Variants in SNTB1 observed in about 807,000 individuals in gnomAD.
SNTB1 encodes the protein beta-1-syntrophin.
A neutral mutation model predicts 48.9 loss-of-function variants in SNTB1; 36 were observed. The ratio of observed to expected loss-of-function variants is 0.74; its 90% CI spans 0.56 to 0.97. The LOEUF is 0.97. SNTB1 is among the 50% of genes least tolerant of loss of function. The pLI is 0.00. For synonymous variants in SNTB1, 299 were observed against 294.6 expected (o/e 1.01, Z -0.15); for missense variants, 786 against 703.4 (o/e 1.12, Z -1.33).
At chr8:120,586,131 C>T (rs1294025689) in intron 3 of SNTB1, among the ~76,000 whole-genome samples, 1 of 152,204 alleles carries the variant, frequency 6.6e-6, no homozygotes, top group Non-Finnish European at 1.5e-5. Context: ...GAGAAATCAC[C>T]TCCATTTCAC....
At chr8:120,674,767 A>G (rs1182632899) in intron 2 of SNTB1, among the ~76,000 whole-genome samples, 1 of 152,216 alleles carries the variant, frequency 6.6e-6, no homozygotes, top group African/African-American at 2.4e-5. Context: ...TGAAAATATG[A>G]CAGAAAGGGT....
At chr8:120,711,158 C>T (rs1191437374) in intron 1 of SNTB1, among the ~76,000 whole-genome samples, 1 of 152,132 alleles carries the variant, frequency 6.6e-6, no homozygotes, top group Non-Finnish European at 1.5e-5. Context: ...AAGCCTGGGA[C>T]AAGTAGCCTG....
chr8:120,683,173 A>G (rs747368397), intron 2 of SNTB1, among the ~76,000 whole-genome samples: 15 of 151,914 alleles, frequency 9.9e-5, no homozygotes, highest in African/African-American at 2.9e-4. Flanking sequence ...GAGCCACCGC[A>G]CCCGGCCTGT....
chr8:120,679,026 T>C (rs1211804547), intron 2 of SNTB1, among the ~76,000 whole-genome samples: 3 of 152,212 alleles, frequency 2.0e-5, no homozygotes, highest in Non-Finnish European at 4.4e-5. Flanking sequence ...CAGGTGGTAG[T>C]AACTTGCTCT....
chr8:120,700,261 TGA>T (rs147185357), intron 1 of SNTB1, among the ~76,000 whole-genome samples: 11,314 of 152,220 alleles, frequency 0.074, 417 homozygotes, highest in Admixed American at 0.1. Flanking sequence ...GCCTGTAACA[TGA>T]GAGAGTTTGA....
At chr8:120,634,157 AC>A (rs913890525) in intron 2 of SNTB1, among the ~76,000 whole-genome samples, 4 of 152,160 alleles carry the variant, frequency 2.6e-5, no homozygotes, top group Non-Finnish European at 4.4e-5. Flanking sequence ...AAGAAAAAAA[AC>A]CCAATATTCA....
rs182445232 is a variant in SNTB1, at chr8:120,776,805, A to T, written c.571+34468T>A. The T allele has an allele frequency of 5.9e-5, 9 of 152,312 alleles. No homozygotes were observed. In the East Asian group the frequency reaches 1.5e-3, roughly 26 times the overall value. 9.4% of individuals were successfully genotyped at this position (152,312 alleles called of 1,614,324 possible). A position where few individuals can be genotyped will look rare whatever the true frequency, so the allele number is the denominator to read the frequency against. ...GTACTTCCTAAATGAATAAGTGCAC[A>T]CATGGATGAATAAACAATCTACATG... On this transcript the variant is annotated intron_variant, in intron 1 of 6. Transcript: ENST00000517992.
At chr8:120,721,877 T>TCCCTCCCCCC (rs1563580227) in intron 1 of SNTB1, among the ~76,000 whole-genome samples, 1 of 142,186 alleles carries the variant, frequency 7.0e-6, no homozygotes, top group African/African-American at 2.7e-5. Context: ...CCCAATGCTA[T>TCCCTCCCCCC]CCCCTCCCCC....
intron 2 of SNTB1, among the ~76,000 whole-genome samples, chr8:120,684,348 C>T (rs1817990665): frequency 6.6e-6 from 1 of 152,160 alleles, no homozygotes; most frequent in African/African-American, 2.4e-5. Context: ...GTCTTTCTCA[C>T]ATGCAAAATA....
At chr8:120,684,715 C>A (rs946510504) in intron 2 of SNTB1, among the ~76,000 whole-genome samples, 1 of 150,866 alleles carries the variant, frequency 6.6e-6, no homozygotes, top group Non-Finnish European at 1.5e-5. Flanking sequence ...AGTGCAATGG[C>A]ATGATCTCGG....
At chr8:120,642,949 CT>C (rs1413230299) in intron 2 of SNTB1, among the ~76,000 whole-genome samples, 1 of 152,162 alleles carries the variant, frequency 6.6e-6, no homozygotes, top group East Asian at 1.9e-4. Context: ...TTCCAAACAT[CT>C]GTTATCTCAC....
intron 3 of SNTB1, among the ~76,000 whole-genome samples, chr8:120,627,390 T>G (rs1371935671): frequency 6.6e-6 from 1 of 152,122 alleles, no homozygotes; most frequent in Non-Finnish European, 1.5e-5. Flanking sequence ...GTGATTGCAG[T>G]CTCTGTAGGA....
intron 2 of SNTB1, among the ~76,000 whole-genome samples, chr8:120,686,691 G>A (rs147898705): frequency 0.021 from 3,172 of 152,232 alleles, 112 homozygotes; most frequent in African/African-American, 0.072. Context: ...ATAAGTAACA[G>A]ACTTGGGATT....
chr8:120,741,829 A>G (rs1428994759), intron 1 of SNTB1, among the ~76,000 whole-genome samples: 1 of 152,228 alleles, frequency 6.6e-6, no homozygotes, highest in Non-Finnish European at 1.5e-5. Context: ...GTAAAAAAGA[A>G]AAAGAAGGAG....
chr8:120,605,490 C>T (rs1227120806), intron 3 of SNTB1, among the ~76,000 whole-genome samples: 1 of 152,112 alleles, frequency 6.6e-6, no homozygotes, highest in Non-Finnish European at 1.5e-5. Context: ...ACAAGCCCAG[C>T]CATGACACGT....
At chr8:120,602,609 G>A (rs1263543966) in intron 3 of SNTB1, among the ~76,000 whole-genome samples, 3 of 152,088 alleles carry the variant, frequency 2.0e-5, no homozygotes, top group Admixed American at 6.6e-5. Flanking sequence ...ATAATCATGT[G>A]ATTATCTTTC....
chr8:120,546,049 A>C (rs1022607343), intron 5 of SNTB1, among the ~76,000 whole-genome samples: 5 of 152,230 alleles, frequency 3.3e-5, no homozygotes, highest in Non-Finnish European at 7.3e-5. Flanking sequence ...CTGACTTTAA[A>C]GCCCCTACTT....
At chr8:120,580,836 T>C (rs879392335) in intron 3 of SNTB1, among the ~76,000 whole-genome samples, 23 of 152,118 alleles carry the variant, frequency 1.5e-4, no homozygotes, top group African/African-American at 3.6e-4. Context: ...CACAGGCACA[T>C]AGGGACAGGG....
At chr8:120,646,793 T>C (rs199832059) in intron 2 of SNTB1, among the ~76,000 whole-genome samples, 17 of 152,268 alleles carry the variant, frequency 1.1e-4, no homozygotes, top group African/African-American at 2.9e-4. Flanking sequence ...TCCATCTGGT[T>C]CTGGACTCTT....
Sources: allele counts gnomAD v4.1 joint callset (sites outside exome capture counted in the v4.1 genomes callset), GRCh38; gene constraint gnomAD v4.1.1; transcripts MANE v1.5; gene names NCBI Gene and HGNC (gene_info 2026-07-23, HGNC 2026-07-21).